The following ANKS1B variants were observed in gnomAD, a reference collection of about 807,000 sequenced individuals.
The protein encoded by ANKS1B is ankyrin repeat and sterile alpha motif domain-containing protein 1B.
In ANKS1B, 36 loss-of-function variants were observed where a neutral mutation model predicts 148.3. That is an observed-to-expected ratio of 0.24 (90% CI 0.19 to 0.32). ANKS1B has a LOEUF of 0.32. ANKS1B is among the 10% of genes least tolerant of loss of function. ANKS1B has a pLI of 1.00. For synonymous variants in ANKS1B, 542 were observed against 560.8 expected, an observed-to-expected ratio of 0.97 and a Z score of 0.47; for missense variants, 1,157 against 1,542.6, an observed-to-expected ratio of 0.75 and a Z score of 4.19.
rs141777593 is a variant in ANKS1B, at chr12:99,676,175, GC to G, written c.1129-20966del. ...GAAGGACATGTTTGCTTCCCCTTCTGCCATTGTTTTAAGTTTCCTGAGGCTT... is the reference window on the plus strand; with the variant it reads ...GAAGGACATGTTTGCTTCCCCTTCTGCATTGTTTTAAGTTTCCTGAGGCTT... On this transcript the variant is annotated intron_variant, in intron 8 of 26. Coordinates refer to ENST00000683438, the MANE Select transcript of ANKS1B (RefSeq NM_001352186.2). Among the ~76,000 whole-genome samples, 1,338 of 152,156 alleles carry G rather than the reference GC, an allele frequency of 8.8e-3. 9 individuals are homozygous for G. Among genetic ancestry groups the G allele is most frequent in the Non-Finnish European group, 0.014 (945 of 67,978 alleles).
intron 15 of ANKS1B, among the ~76,000 whole-genome samples, chr12:99,147,329 T>C (rs1416467481): frequency 6.6e-6 from 1 of 152,118 alleles, no homozygotes; most frequent in Non-Finnish European, 1.5e-5. Flanking sequence ...GACAGTAGCA[T>C]GTGCAAAGCC....
At chr12:99,724,922 G>T (rs953458910) in intron 8 of ANKS1B, among the ~76,000 whole-genome samples, 1 of 152,096 alleles carries the variant, frequency 6.6e-6, no homozygotes, top group African/African-American at 2.4e-5. Context: ...CATAAGCAAA[G>T]AAGAAATAAA....
intron 11 of ANKS1B, among the ~76,000 whole-genome samples, chr12:99,414,351 T>A (rs1190559413): frequency 6.6e-6 from 1 of 152,140 alleles, no homozygotes; most frequent in Non-Finnish European, 1.5e-5. Flanking sequence ...TTCTTAGACA[T>A]CACTAGTAAG....
chr12:99,943,264 G>A (rs2094965002), intron 1 of ANKS1B, among the ~76,000 whole-genome samples: 1 of 152,112 alleles, frequency 6.6e-6, no homozygotes, highest in African/African-American at 2.4e-5. Context: ...CGAGCTTTTT[G>A]ATAATTTCAA....
chr12:99,108,618 A>G (rs1178274159), intron 15 of ANKS1B, among the ~76,000 whole-genome samples: 2 of 152,224 alleles, frequency 1.3e-5, no homozygotes, highest in Admixed American at 6.5e-5. Context: ...TTGTTTCATA[A>G]AAGATTGACA....
At chr12:99,415,512 T>C (rs916428635) in intron 11 of ANKS1B, among the ~76,000 whole-genome samples, 3 of 152,208 alleles carry the variant, frequency 2.0e-5, no homozygotes, top group Admixed American at 6.5e-5. Flanking sequence ...AATTTTTTAA[T>C]TAAATTTTTT....
chr12:98,913,170 A>G (rs1431248358), intron 17 of ANKS1B, among the ~76,000 whole-genome samples: 1 of 152,166 alleles, frequency 6.6e-6, no homozygotes, highest in Non-Finnish European at 1.5e-5. Context: ...GTCTGTACTT[A>G]GGGTCTCCAA....
chr12:98,890,114 T>C (rs1437235486), intron 17 of ANKS1B, among the ~76,000 whole-genome samples: 2 of 152,240 alleles, frequency 1.3e-5, no homozygotes, highest in East Asian at 3.8e-4. Context: ...GCTTGGTTCC[T>C]GTCTAGAGTA....
At chr12:99,909,217 CGTGTGTGTGTGT>C (rs60264932) in intron 1 of ANKS1B, among the ~76,000 whole-genome samples, 2,280 of 137,348 alleles carry the variant, frequency 0.017, 32 homozygotes, top group East Asian at 0.042. Flanking sequence ...AATATTCCAT[CGTGTGTGTGTGT>C]GTGTGTGTGT....
rs368887162 is a variant in ANKS1B, at chr12:99,006,099, G to A, written c.2778+47058C>T. 9.2e-5 allele frequency among the ~76,000 whole-genome samples: 14 copies of A among 152,288 alleles called. No homozygotes were observed. In the East Asian group the frequency reaches 2.7e-3, roughly 29 times the overall value. Reference sequence around the variant, plus strand: ...TTTCCTAGGTCAGATTCTATACCTTGGGTTATATTCCAGCTAAGAAACACT... The same window carrying A: ...TTTCCTAGGTCAGATTCTATACCTTAGGTTATATTCCAGCTAAGAAACACT... On this transcript the variant is annotated intron_variant, in intron 17 of 26. Coordinates refer to ENST00000683438, the MANE Select transcript of ANKS1B (RefSeq NM_001352186.2).
chr12:99,749,572 G>A (rs1448510327), intron 8 of ANKS1B, among the ~76,000 whole-genome samples: 2 of 151,972 alleles, frequency 1.3e-5, no homozygotes, highest in African/African-American at 4.8e-5. Flanking sequence ...ATAAGATATG[G>A]CAGAAATTTT....
intron 17 of ANKS1B, among the ~76,000 whole-genome samples, chr12:98,909,845 A>G (rs1047015348): frequency 6.6e-6 from 1 of 152,226 alleles, no homozygotes; most frequent in Non-Finnish European, 1.5e-5. Flanking sequence ...AGTCAAGACC[A>G]AAGGAGCACA....
chr12:98,782,262 C>A (rs1376103049), intron 22 of ANKS1B, 125 bp from the exon 23 acceptor site: 1 of 814,682 alleles, frequency 1.2e-6, no homozygotes, highest in Non-Finnish European at 2.0e-6. Context: ...ACAAAAGATG[C>A]CACAAAAGAA....
At chr12:99,791,048 G>A (rs938305253) in intron 4 of ANKS1B, among the ~76,000 whole-genome samples, 9 of 151,866 alleles carry the variant, frequency 5.9e-5, no homozygotes, top group African/African-American at 1.9e-4. Context: ...TACCTATAAC[G>A]ATACACACAG....
intron 25 of ANKS1B, among the ~76,000 whole-genome samples, chr12:98,766,502 A>G (rs2098482918): frequency 6.6e-6 from 1 of 152,200 alleles, no homozygotes; most frequent in Non-Finnish European, 1.5e-5. Flanking sequence ...TCAATTTTTA[A>G]GGGCTCTATG....
At chr12:99,587,356 A>G (rs149308536) in intron 9 of ANKS1B, among the ~76,000 whole-genome samples, 2 of 152,330 alleles carry the variant, frequency 1.3e-5, no homozygotes, top group Non-Finnish European at 2.9e-5. Flanking sequence ...GCAAAAAAGT[A>G]AAATAGATGT....
chr12:98,953,520 T>A, intron 17 of ANKS1B, among the ~76,000 whole-genome samples: 1 of 149,870 alleles, frequency 6.7e-6, no homozygotes, highest in African/African-American at 2.5e-5. Flanking sequence ...ATCATGTCCA[T>A]TTGAGAATCT....
intron 14 of ANKS1B, among the ~76,000 whole-genome samples, chr12:99,238,103 A>C (rs1367988409): frequency 6.6e-6 from 1 of 152,204 alleles, no homozygotes; most frequent in Non-Finnish European, 1.5e-5. Flanking sequence ...GTGTTGCCTC[A>C]CCCAGGAAGT....
chr12:99,699,305 A>G (rs10778007), intron 8 of ANKS1B, among the ~76,000 whole-genome samples: 30,337 of 152,170 alleles, frequency 0.2, 3,500 homozygotes, highest in East Asian at 0.47. Context: ...AAATTGTGCC[A>G]TCCATGAATC....
Sources: allele counts gnomAD v4.1 joint callset (sites outside exome capture counted in the v4.1 genomes callset), GRCh38; gene constraint gnomAD v4.1.1; transcripts MANE v1.5; gene names NCBI Gene and HGNC (gene_info 2026-07-23, HGNC 2026-07-21).